The following NBAS variants were observed in gnomAD, a reference collection of about 807,000 sequenced individuals.
NBAS encodes the protein NBAS subunit of NRZ tethering complex.
Under a neutral mutation model 302.5 loss-of-function variants are expected in NBAS, and 219 were observed. The ratio of observed to expected loss-of-function variants is 0.72; its 90% CI spans 0.65 to 0.81. The LOEUF (loss-of-function observed/expected upper bound fraction) is 0.81. Ranked by LOEUF, NBAS falls within the 30% of genes least tolerant of loss-of-function variation. The pLI, the probability that NBAS is intolerant of heterozygous loss-of-function variation, is 0.00. For missense variants in NBAS, 2,932 were observed against 2,841.6 expected, an observed-to-expected ratio of 1.03 and a Z score of -0.72; for synonymous variants, 1,118 against 1,021.6, an observed-to-expected ratio of 1.09 and a Z score of -1.80.
chr2:15,523,913 C>CTAAA (rs901005246), intron 9 of NBAS, among the ~76,000 whole-genome samples: 8 of 152,004 alleles, frequency 5.3e-5, no homozygotes, highest in South Asian at 2.1e-4. Context: ...GATTCTGTCT[C>CTAAA]TAAATAAATA....
chr2:15,497,558 G>T (rs1390602731), intron 11 of NBAS, among the ~76,000 whole-genome samples: 5 of 152,106 alleles, frequency 3.3e-5, no homozygotes, highest in Non-Finnish European at 7.4e-5. Context: ...GGTTAGGGAA[G>T]AAAAATGAGA....
chr2:15,219,613 A>G (rs1167560060), intron 47 of NBAS, among the ~76,000 whole-genome samples: 1 of 138,862 alleles, frequency 7.2e-6, no homozygotes, highest in African/African-American at 2.8e-5. Context: ...TGGACACAGC[A>G]CATGTTTCAG....
chr2:15,106,941 G>A, the NBAS span, among the ~76,000 whole-genome samples: 1 of 152,036 alleles, frequency 6.6e-6, no homozygotes, highest in African/African-American at 2.4e-5. Flanking sequence ...GAGGGGCAAG[G>A]GAGCTGAGGT....
intron 6 of NBAS, among the ~76,000 whole-genome samples, chr2:15,547,184 T>C (rs1664154968): frequency 6.6e-6 from 1 of 152,226 alleles, no homozygotes; most frequent in Non-Finnish European, 1.5e-5. Context: ...TATAAAACAA[T>C]AATTGAAAAA....
At chr2:14,848,072 G>A in the NBAS span, among the ~76,000 whole-genome samples, 1 of 152,116 alleles carries the variant, frequency 6.6e-6, no homozygotes, top group Non-Finnish European at 1.5e-5. Context: ...TGAGGGGGAG[G>A]AGCCAAGATG....
chr2:15,281,815 G>A, intron 42 of NBAS, among the ~76,000 whole-genome samples: 1 of 152,082 alleles, frequency 6.6e-6, no homozygotes, highest in Non-Finnish European at 1.5e-5. Context: ...GCCACTATCA[G>A]GCGTTTCTGA....
chr2:15,339,717 G>A (rs1050770029), intron 35 of NBAS, among the ~76,000 whole-genome samples: 7 of 152,102 alleles, frequency 4.6e-5, no homozygotes, highest in Non-Finnish European at 1.0e-4. Context: ...AAAATAAAGC[G>A]GTGTGGCTGG....
chr2:15,389,613 G>A (rs939275605), intron 28 of NBAS, among the ~76,000 whole-genome samples: 7 of 152,118 alleles, frequency 4.6e-5, no homozygotes, highest in African/African-American at 1.4e-4. Context: ...GATCAAGGGG[G>A]AACTTCCAAA....
Position 15,474,259 on chromosome 2 carries a change from T to A in NBAS, c.1407A>T (p.Gly469=), listed in dbSNP as rs1245972496. The A allele has an allele frequency of 6.2e-7, 1 of 1,613,932 alleles. No individual in the cohort carries two copies. Among genetic ancestry groups the A allele is most frequent in the Admixed American group, 1.7e-5 (1 of 60,022 alleles). The change falls in exon 15 of 52, where the codon GGA becomes GGT. Residue 469 remains glycine, a synonymous_variant. Transcript: ENST00000281513. The part of the protein sequence containing the change: ...LETRAGEEDE[G]EEDSDSDYEI... ...CATAATCAGAATCAGAATCCTCTTCTCCTTCATCTTCTTCTCCAGCTCTAG... is the reference window on the plus strand; with the variant it reads ...CATAATCAGAATCAGAATCCTCTTCACCTTCATCTTCTTCTCCAGCTCTAG...
Position 15,167,322 on chromosome 2 carries a change from A to G in NBAS, c.6842T>C (p.Val2281Ala). The G allele has an allele frequency of 6.2e-7, 1 of 1,614,174 alleles. No homozygotes were observed. The highest frequency in any genetic ancestry group is 1.3e-5 in the African/African-American group (1 of 75,054). The change falls in exon 52 of 52, where the codon GTG becomes GCG. Residue 2281 changes from valine (V) to alanine (A), a missense_variant and splice_region_variant. Transcript: ENST00000281513. ...TTCTTGGTCACAATTGGAATCATTC[A>G]CCTTCAAGAAATAAGACAGGCACAG... ...ALEQITAVTT[V>A]NDSNCDQELL... is the part of the protein sequence containing the mutation.
At chr2:15,336,484 A>G (rs111690816) in intron 35 of NBAS, among the ~76,000 whole-genome samples, 4 of 152,332 alleles carry the variant, frequency 2.6e-5, no homozygotes, top group African/African-American at 9.6e-5. Context: ...CTGTAATCCC[A>G]GCACTTTGGG....
At chr2:15,343,981 C>T (rs563335590) in intron 35 of NBAS, among the ~76,000 whole-genome samples, 228 of 98,828 alleles carry the variant, frequency 2.3e-3, no homozygotes, top group Non-Finnish European at 4.0e-3. Flanking sequence ...AAAAAAAAAA[C>T]ACTTGACTGC....
chr2:15,055,384 A>G, the NBAS span, among the ~76,000 whole-genome samples: 1 of 152,190 alleles, frequency 6.6e-6, no homozygotes, highest in Non-Finnish European at 1.5e-5. Flanking sequence ...AAACAAAAGT[A>G]ATCATGAGCC....
At chr2:15,328,161 G>C (rs770144012) in intron 37 of NBAS, 38 bp downstream of exon 37, 1 of 1,571,560 alleles carries the variant, frequency 6.4e-7, no homozygotes, top group Non-Finnish European at 8.8e-7. Flanking sequence ...ACAACAGCAT[G>C]ACAGTTAAAT....
At chr2:15,001,378 G>C in the NBAS span, among the ~76,000 whole-genome samples, 5 of 151,998 alleles carry the variant, frequency 3.3e-5, no homozygotes, top group Admixed American at 3.3e-4. Context: ...ACATTTGCTT[G>C]CTATTCCAAA....
At chr2:15,088,156 G>A in the NBAS span, among the ~76,000 whole-genome samples, 2 of 152,166 alleles carry the variant, frequency 1.3e-5, no homozygotes, top group Non-Finnish European at 2.9e-5. Flanking sequence ...GCTTGTTTGG[G>A]GAGGACATGA....
chr2:14,903,338 A>AAG, the NBAS span, among the ~76,000 whole-genome samples: 108 of 151,926 alleles, frequency 7.1e-4, 1 homozygote, highest in African/African-American at 2.6e-3. Flanking sequence ...AAAAAAAAAA[A>AAG]AAAGAAAGAA....
chr2:15,432,438 G>A (rs1677811757), intron 21 of NBAS, among the ~76,000 whole-genome samples: 2 of 151,912 alleles, frequency 1.3e-5, no homozygotes, highest in South Asian at 4.2e-4. Context: ...ACATTTATCT[G>A]CCAGCAGGAA....
At chr2:15,402,112 GT>G in intron 26 of NBAS, 55 bp downstream of exon 26, 6 of 1,601,934 alleles carry the variant, frequency 3.7e-6, no homozygotes, top group Non-Finnish European at 5.1e-6. Context: ...CAACGTTTTT[GT>G]TTTAACTGTT....
Sources: allele counts gnomAD v4.1 joint callset (sites outside exome capture counted in the v4.1 genomes callset), GRCh38; gene constraint gnomAD v4.1.1; transcripts MANE v1.5; gene names NCBI Gene and HGNC (gene_info 2026-07-23, HGNC 2026-07-21).